PCTP: variants seen among roughly 807,000 people sequenced by gnomAD.
PCTP encodes START domain-containing protein 2.
PCTP carries 27 observed loss-of-function variants against 31.0 expected under a neutral mutation model. The ratio of observed to expected loss-of-function variants is 0.87; its 90% CI spans 0.64 to 1.20. The LOEUF is 1.20. Ranked by LOEUF, PCTP falls within the 50% of genes most tolerant of loss-of-function variation. PCTP has a pLI of 0.00. For synonymous variants in PCTP, 108 were observed against 101.2 expected, an observed-to-expected ratio of 1.07 and a Z score of -0.40; for missense variants, 287 against 268.2, an observed-to-expected ratio of 1.07 and a Z score of -0.49.
At chr17:55,847,765 A>C (rs564652422), downstream of PCTP, among the ~76,000 whole-genome samples, 1 of 152,040 alleles carries the variant, frequency 6.6e-6, no homozygotes, top group African/African-American at 2.4e-5. Context: ...CCCTTGTTCA[A>C]GGGGGGGTCA....
chr17:55,842,521 A>C (rs1906016205), intron 5 of PCTP, among the ~76,000 whole-genome samples: 1 of 152,200 alleles, frequency 6.6e-6, no homozygotes, highest in African/African-American at 2.4e-5. Context: ...TTAGTTTAAA[A>C]AGTGAAGAAC....
chr17:55,807,967 T>C (rs2038629512), intron 3 of PCTP, among the ~76,000 whole-genome samples: 2 of 152,204 alleles, frequency 1.3e-5, no homozygotes, highest in Non-Finnish European at 2.9e-5. Flanking sequence ...GCGATAATGA[T>C]AATTACTGCG....
At chr17:55,754,759 C>T (rs1269346102) in intron 1 of PCTP, among the ~76,000 whole-genome samples, 2 of 152,108 alleles carry the variant, frequency 1.3e-5, no homozygotes, top group African/African-American at 4.8e-5. Flanking sequence ...CTCCTGAGGC[C>T]TAAAGTGCAC....
chr17:55,766,048 C>T (rs2332511), intron 1 of PCTP, among the ~76,000 whole-genome samples: 95,563 of 152,104 alleles, frequency 0.63, 35,762 homozygotes, highest in East Asian at 0.87. Context: ...TCCCCATCCC[C>T]GCCCTTGCAA....
intron 1 of PCTP, among the ~76,000 whole-genome samples, chr17:55,752,387 T>G (rs1567708191): frequency 6.6e-6 from 1 of 152,182 alleles, no homozygotes; most frequent in Non-Finnish European, 1.5e-5. Context: ...CTGTCAGATA[T>G]GTGTGAAAAT....
intron 2 of PCTP, among the ~76,000 whole-genome samples, chr17:55,786,152 C>T (rs898385375): frequency 2.6e-5 from 4 of 151,112 alleles, no homozygotes; most frequent in Admixed American, 6.6e-5. Context: ...GGCGTGGTGG[C>T]GCAGGCCTGT....
At position 55,800,745 on chromosome 17, in the gene PCTP, T is replaced by C. The variant is rs796616817; in HGVS notation, c.317+13091T>C. Among the ~76,000 whole-genome samples the C allele has an allele frequency of 3.9e-5, 6 of 152,170 alleles. No individual in the cohort carries two copies. In the South Asian group the frequency reaches 6.2e-4, roughly 16 times the overall value. On this transcript the variant is annotated intron_variant, in intron 3 of 3. Transcript: ENST00000572536. The stretch of plus-strand genomic sequence containing the variant: ...GTTCAGCCTTTTTGCACTGTTTTTT[T>C]CCTCATCTTTGTGGATTTATCTACT...
chr17:55,814,004 C>T (rs1348064726), intron 3 of PCTP, among the ~76,000 whole-genome samples: 3 of 151,234 alleles, frequency 2.0e-5, no homozygotes, highest in East Asian at 3.9e-4. Flanking sequence ...ATTGAGAGAT[C>T]GTGTCACTGC....
chr17:55,767,751 C>T (rs775886971), intron 2 of PCTP, among the ~76,000 whole-genome samples: 16 of 146,636 alleles, frequency 1.1e-4, no homozygotes, highest in Non-Finnish European at 1.8e-4. Context: ...AGGCATGAGC[C>T]GCTGCACCCA....
intron 3 of PCTP, among the ~76,000 whole-genome samples, chr17:55,810,598 C>T (rs1196462427): frequency 2.0e-5 from 3 of 152,168 alleles, no homozygotes; most frequent in African/African-American, 7.2e-5. Context: ...CTCGTTGTCC[C>T]TAAAACATAA....
chr17:55,754,452 C>A (rs1909887682), intron 1 of PCTP, among the ~76,000 whole-genome samples: 1 of 152,160 alleles, frequency 6.6e-6, no homozygotes, highest in Non-Finnish European at 1.5e-5. Context: ...ACTTCCATGC[C>A]CTCCTTGGAT....
chr17:55,759,487 A>G (rs1003247130), intron 1 of PCTP, among the ~76,000 whole-genome samples: 1 of 152,142 alleles, frequency 6.6e-6, no homozygotes, highest in Non-Finnish European at 1.5e-5. Context: ...CTGCCATTAG[A>G]ACTGCTTTAC....
chr17:55,819,946 T>C (rs1318229384), intron 3 of PCTP, among the ~76,000 whole-genome samples: 2 of 152,162 alleles, frequency 1.3e-5, no homozygotes, highest in African/African-American at 4.8e-5. Context: ...CAACAAATGG[T>C]ACTGAGACAA....
the PCTP span, among the ~76,000 whole-genome samples, chr17:55,850,090 A>G: frequency 4.5e-3 from 681 of 152,300 alleles, 3 homozygotes; most frequent in African/African-American, 0.015. Context: ...ACTCATTTTT[A>G]TACCAATTTG....
intron 5 of PCTP, 122 bp downstream of exon 5, chr17:55,774,981 T>C (rs1597989350): frequency 8.9e-7 from 1 of 1,122,868 alleles, no homozygotes; most frequent in Non-Finnish European, 1.3e-6. Context: ...GAGGCTCTTT[T>C]ATGAAGAGTT....
At chr17:55,771,244 C>T (rs918481215) in intron 3 of PCTP, 59 bp downstream of exon 3, 6 of 1,334,154 alleles carry the variant, frequency 4.5e-6, no homozygotes, top group Non-Finnish European at 6.5e-6. Flanking sequence ...TGTTCCTCAG[C>T]TGCAGTCTAT....
At chr17:55,800,067 C>T (rs1409797210) in intron 3 of PCTP, among the ~76,000 whole-genome samples, 4 of 151,968 alleles carry the variant, frequency 2.6e-5, no homozygotes, top group African/African-American at 4.8e-5. Flanking sequence ...TTGCTTTTCT[C>T]GAGGAGTATC....
intron 1 of PCTP, chr17:55,751,618 TG>T: frequency 2.7e-6 from 1 of 370,434 alleles, no homozygotes; most frequent in Admixed American, 6.7e-5. Flanking sequence ...GGGGCTGGGG[TG>T]GGGGAGGGGC....
At chr17:55,821,682 T>C (rs910237633) in intron 3 of PCTP, among the ~76,000 whole-genome samples, 6 of 152,190 alleles carry the variant, frequency 3.9e-5, no homozygotes, top group African/African-American at 1.4e-4. Context: ...AGGGAAAACA[T>C]GAGTTCAGAG....
Sources: gnomAD v4.1 joint callset for allele counts (sites outside exome capture counted in the v4.1 genomes callset) on GRCh38, gnomAD v4.1.1 for gene constraint, MANE v1.5 for transcripts, NCBI Gene and HGNC (gene_info 2026-07-23, HGNC 2026-07-21) for gene names.